Variants in USP30 observed in about 807,000 individuals in gnomAD.
The protein encoded by USP30 is ubiquitin carboxyl-terminal hydrolase 30.
A neutral mutation model predicts 68.2 loss-of-function variants in USP30; 41 were observed. The ratio of observed to expected loss-of-function variants is 0.60; its 90% CI spans 0.47 to 0.78. USP30 has a LOEUF of 0.78. Ranked by LOEUF, USP30 falls within the 30% of genes least tolerant of loss-of-function variation. The probability of loss-of-function intolerance (pLI) is 0.00; values close to 1 mark genes in which losing one functional copy is unlikely to be tolerated. For synonymous variants in USP30, 229 were observed against 253.7 expected (o/e 0.90, Z 0.93); for missense variants, 522 against 649.4 (o/e 0.80, Z 2.13).
chr12:109,083,152 G>T lies in USP30; in HGVS notation c.1168+90G>T, dbSNP rs375290579. Reference sequence around the variant, plus strand: ...ACCACCTTCTGGGTCCCTTATGACAGGAGCACAAGGCTTGTACAATGGTGC... The same window carrying T: ...ACCACCTTCTGGGTCCCTTATGACATGAGCACAAGGCTTGTACAATGGTGC... On this transcript the variant is annotated intron_variant, in intron 11 of 12. Coordinates refer to ENST00000257548, the MANE Select transcript of USP30 (RefSeq NM_032663.5). 10 of 1,296,586 alleles carry T rather than the reference G, an allele frequency of 7.7e-6. No homozygotes were observed. In the African/African-American group the frequency reaches 1.5e-4, roughly 19 times the overall value. 80.3% of individuals were successfully genotyped at this position (1,296,586 alleles called of 1,614,324 possible).
chr12:109,058,236 A>T, intron 3 of USP30, 128 bp downstream of exon 3: 1 of 1,055,112 alleles, frequency 9.5e-7, no homozygotes, highest in South Asian at 1.9e-5. Flanking sequence ...TGAATAAACA[A>T]CACCAAGAGC....
intron 3 of USP30, among the ~76,000 whole-genome samples, chr12:109,063,309 C>A (rs548770604): frequency 1.3e-5 from 2 of 152,264 alleles, no homozygotes; most frequent in South Asian, 4.1e-4. Context: ...CCACATTGGC[C>A]AGGCTAATCT....
chr12:109,081,627 A>G (rs11068750), intron 8 of USP30: 31,520 of 117,024 alleles, frequency 0.27, 583 homozygotes, highest in South Asian at 0.37. Context: ...ATGCGCGCAC[A>G]CACACACACA....
chr12:109,084,555 C>T (rs2041893806), intron 11 of USP30, among the ~76,000 whole-genome samples: 1 of 152,174 alleles, frequency 6.6e-6, no homozygotes, highest in Non-Finnish European at 1.5e-5. Flanking sequence ...TCAACATCCT[C>T]TAATGCACAG....
At chr12:109,053,698 T>G in intron 1 of USP30, 1 of 227,116 alleles carries the variant, frequency 4.4e-6, no homozygotes. Flanking sequence ...CATAGCAGAG[T>G]TGGGAGGAGA....
At chr12:109,043,859 G>T (rs1019315266) in intron 3 of USP30, among the ~76,000 whole-genome samples, 1 of 152,158 alleles carries the variant, frequency 6.6e-6, no homozygotes, top group African/African-American at 2.4e-5. Context: ...GCAATTTCAG[G>T]TTGGGTACAT....
intron 3 of USP30, among the ~76,000 whole-genome samples, chr12:109,039,907 C>T (rs144879645): frequency 9.2e-5 from 14 of 152,234 alleles, no homozygotes; most frequent in Middle Eastern, 6.8e-3. Flanking sequence ...CCACACCTGG[C>T]CAGCCATTTT....
chr12:109,026,630 C>T (rs2040447285), intron 2 of USP30, among the ~76,000 whole-genome samples: 1 of 150,100 alleles, frequency 6.7e-6, no homozygotes, highest in South Asian at 2.1e-4. Context: ...ACCATGCCCA[C>T]CTAATTTTTG....
At position 109,052,627 on chromosome 12, in the gene USP30, G is replaced by A; in HGVS notation, c.-52G>A. 3 of 1,442,252 alleles carry A rather than the reference G, an allele frequency of 2.1e-6. No individual in the cohort carries two copies. The highest frequency in any genetic ancestry group is 2.7e-6 in the Non-Finnish European group (3 of 1,102,518). 89.3% of individuals were successfully genotyped at this position (1,442,252 alleles called of 1,614,324 possible). ...AACCGTCGTATCCCTCGGTCCGGCGGCGGCGGCGGCGGTAGCGGAGGAGAC... is the reference window on the plus strand; with the variant it reads ...AACCGTCGTATCCCTCGGTCCGGCGACGGCGGCGGCGGTAGCGGAGGAGAC... On this transcript the variant is annotated 5_prime_UTR_variant, in exon 1 of 13. Transcript: ENST00000257548.
intron 1 of USP30, among the ~76,000 whole-genome samples, chr12:109,023,437 C>T (rs898439993): frequency 4.6e-5 from 7 of 152,122 alleles, no homozygotes; most frequent in African/African-American, 1.7e-4. Context: ...GACCTGTAGT[C>T]CCAGCTACTC....
intron 7 of USP30, among the ~76,000 whole-genome samples, chr12:109,078,577 C>T (rs574700109): frequency 2.7e-5 from 4 of 150,302 alleles, no homozygotes; most frequent in Non-Finnish European, 5.9e-5. Context: ...CCAGCCTGGG[C>T]GACAAAGCGA....
intron 8 of USP30, 101 bp from the exon 9 acceptor site, chr12:109,081,832 A>G: frequency 8.4e-7 from 1 of 1,187,920 alleles, no homozygotes; most frequent in Admixed American, 1.8e-5. Flanking sequence ...TATTGCCTGC[A>G]TACATCAAAA....
upstream of USP30, among the ~76,000 whole-genome samples, chr12:109,049,392 T>C (rs1228701691): frequency 2.0e-5 from 3 of 152,170 alleles, no homozygotes; most frequent in Admixed American, 2.0e-4. Flanking sequence ...AGTGGAGCAC[T>C]TGGAACATAC....
intron 3 of USP30, among the ~76,000 whole-genome samples, chr12:109,062,973 C>T (rs895315642): frequency 2.0e-5 from 3 of 152,138 alleles, no homozygotes; most frequent in African/African-American, 7.2e-5. Context: ...ATAAGATGTA[C>T]CTCATTAAGC....
chr12:109,038,002 CT>C (rs887001804), intron 3 of USP30, among the ~76,000 whole-genome samples: 5 of 151,416 alleles, frequency 3.3e-5, no homozygotes, highest in African/African-American at 7.3e-5. Context: ...CTCAGATTTT[CT>C]TTTTTTTTCT....
rs377462816 is a variant in USP30, at chr12:109,084,902, T to A, written c.1169-51T>A. The A allele has an allele frequency of 4.8e-5, 71 of 1,492,438 alleles. No homozygotes were observed. The African/African-American group carries it at 9.9e-4, about 21-fold the overall frequency. 92.4% of individuals were successfully genotyped at this position (1,492,438 alleles called of 1,614,324 possible). A position where few individuals can be genotyped will look rare whatever the true frequency, so the allele number is the denominator to read the frequency against. ...TCAAGGTAATCAAAACCAGGTTTTGTTTACAGAGCCACTGCTAATTTTCAT... is the reference window on the plus strand; with the variant it reads ...TCAAGGTAATCAAAACCAGGTTTTGATTACAGAGCCACTGCTAATTTTCAT... On this transcript the variant is annotated intron_variant, in intron 11 of 12. Coordinates refer to ENST00000257548, the MANE Select transcript of USP30 (RefSeq NM_032663.5).
At chr12:109,027,823 T>G (rs1220438703) in intron 3 of USP30, among the ~76,000 whole-genome samples, 1 of 152,216 alleles carries the variant, frequency 6.6e-6, no homozygotes, top group African/African-American at 2.4e-5. Flanking sequence ...TTTCCACCTT[T>G]TTGGCTATTG....
intron 3 of USP30, among the ~76,000 whole-genome samples, chr12:109,037,636 T>C (rs2040531230): frequency 6.6e-6 from 1 of 152,216 alleles, no homozygotes. Flanking sequence ...TTCCATAAAC[T>C]CAGTTAGTGG....
At chr12:109,024,433 T>C (rs1836490444) in intron 1 of USP30, among the ~76,000 whole-genome samples, 1 of 151,616 alleles carries the variant, frequency 6.6e-6, no homozygotes, top group Non-Finnish European at 1.5e-5. Context: ...AATTTTTGTA[T>C]TTTTTATAGA....
Sources: gnomAD v4.1 joint callset for allele counts (sites outside exome capture counted in the v4.1 genomes callset) on GRCh38, gnomAD v4.1.1 for gene constraint, MANE v1.5 for transcripts, NCBI Gene and HGNC (gene_info 2026-07-23, HGNC 2026-07-21) for gene names.